The following EPHA6 variants were observed in gnomAD, a reference collection of about 807,000 sequenced individuals.
EPHA6 encodes the protein ephrin type-A receptor 6.
Under a neutral mutation model 112.0 loss-of-function variants are expected in EPHA6, and 50 were observed. The observed-to-expected ratio is 0.45, with a 90% CI of 0.36 to 0.56. EPHA6 has a LOEUF of 0.56. Among genes scored for constraint, EPHA6 ranks in the 20% least tolerant of loss-of-function variants. The probability of loss-of-function intolerance (pLI) is 0.00; values close to 1 mark genes in which losing one functional copy is unlikely to be tolerated. For synonymous variants in EPHA6, 529 were observed against 490.7 expected, an observed-to-expected ratio of 1.08 and a Z score of -1.03; for missense variants, 1,280 against 1,417.4, an observed-to-expected ratio of 0.90 and a Z score of 1.56.
At chr3:96,989,515 A>G (rs2043141175) in intron 3 of EPHA6, among the ~76,000 whole-genome samples, 1 of 152,170 alleles carries the variant, frequency 6.6e-6, no homozygotes, top group Non-Finnish European at 1.5e-5. Flanking sequence ...ATCTAAAGAT[A>G]TTTTACATTG....
chr3:96,871,011 G>A (rs1386780532), intron 2 of EPHA6, among the ~76,000 whole-genome samples: 1 of 151,902 alleles, frequency 6.6e-6, no homozygotes, highest in Non-Finnish European at 1.5e-5. Context: ...TGTAAATTTT[G>A]GTGATAATTT....
At chr3:97,630,781 C>T (rs552169963) in intron 13 of EPHA6, among the ~76,000 whole-genome samples, 12 of 152,050 alleles carry the variant, frequency 7.9e-5, no homozygotes, top group East Asian at 1.9e-4. Context: ...TGACTTGCCC[C>T]GGGCAAAAAT....
intron 5 of EPHA6, among the ~76,000 whole-genome samples, chr3:97,308,102 A>G (rs1332715260): frequency 6.6e-6 from 1 of 151,598 alleles, no homozygotes; most frequent in Admixed American, 6.6e-5. Flanking sequence ...AAAACTCATC[A>G]GTCGTCACCT....
At chr3:97,336,174 T>G (rs28367354) in intron 5 of EPHA6, among the ~76,000 whole-genome samples, 3,343 of 152,194 alleles carry the variant, frequency 0.022, 139 homozygotes, top group African/African-American at 0.076. Flanking sequence ...GGCAGTCTAG[T>G]CCCCAGGTAG....
At chr3:97,656,239 G>A (rs1406825077) in intron 14 of EPHA6, among the ~76,000 whole-genome samples, 1 of 151,904 alleles carries the variant, frequency 6.6e-6, no homozygotes, top group African/African-American at 2.4e-5. Context: ...TAATCAAAAA[G>A]TTGGCTGGAG....
chr3:97,543,662 T>C (rs1395675663), intron 11 of EPHA6, among the ~76,000 whole-genome samples: 2 of 152,156 alleles, frequency 1.3e-5, no homozygotes, highest in South Asian at 2.1e-4. Context: ...GGGGATGGCA[T>C]TGAATCTATA....
intron 6 of EPHA6, among the ~76,000 whole-genome samples, chr3:97,423,073 C>T (rs2088808940): frequency 6.6e-6 from 1 of 152,148 alleles, no homozygotes; most frequent in Non-Finnish European, 1.5e-5. Context: ...AGCTGGAAGC[C>T]TTTCCCTTGA....
At chr3:97,397,556 T>C (rs1450774982) in intron 5 of EPHA6, among the ~76,000 whole-genome samples, 2 of 151,684 alleles carry the variant, frequency 1.3e-5, no homozygotes, top group Non-Finnish European at 3.0e-5. Flanking sequence ...ATTGTTTCTC[T>C]CATCCTCTCC....
At chr3:97,401,838 A>G (rs1019893977) in intron 5 of EPHA6, among the ~76,000 whole-genome samples, 49 of 151,670 alleles carry the variant, frequency 3.2e-4, no homozygotes, top group African/African-American at 1.2e-3. Flanking sequence ...GCCTTTGTAT[A>G]TCTCTTAGGT....
chr3:97,648,350 T>A, intron 14 of EPHA6: 1 of 1,603,528 alleles, frequency 6.2e-7, no homozygotes, highest in Non-Finnish European at 8.5e-7. Flanking sequence ...AAAGCCAAAT[T>A]TTCTGTCGGT....
intron 15 of EPHA6, among the ~76,000 whole-genome samples, chr3:97,731,010 T>A (rs554925080): frequency 1.3e-5 from 2 of 152,194 alleles, no homozygotes; most frequent in South Asian, 4.1e-4. Context: ...TGATCACAGT[T>A]CCACTTCAGT....
chr3:97,434,302 GT>G (rs2089690151), intron 6 of EPHA6, among the ~76,000 whole-genome samples: 2 of 152,042 alleles, frequency 1.3e-5, no homozygotes, highest in Non-Finnish European at 1.5e-5. Context: ...AATTCATATA[GT>G]AGCTTTGAGA....
At chr3:97,576,153 T>G (rs1299202193) in intron 11 of EPHA6, among the ~76,000 whole-genome samples, 3 of 152,154 alleles carry the variant, frequency 2.0e-5, no homozygotes, top group Admixed American at 2.0e-4. Context: ...TATCTCAAAA[T>G]TTTTCTGTGA....
intron 14 of EPHA6, among the ~76,000 whole-genome samples, chr3:97,640,009 A>G (rs73849814): frequency 0.026 from 3,976 of 152,200 alleles, 154 homozygotes; most frequent in African/African-American, 0.09. Context: ...CTTTATAATG[A>G]ACATGGACAT....
chr3:96,919,475 A>T lies in EPHA6; in HGVS notation c.450+52586A>T, dbSNP rs377081718. Among the ~76,000 whole-genome samples, 28 of 151,952 alleles carry T rather than the reference A, an allele frequency of 1.8e-4. 2 individuals are homozygous for T. Among genetic ancestry groups the T allele is most frequent in the African/African-American group, 6.3e-4 (26 of 41,566 alleles). The stretch of plus-strand genomic sequence containing the variant: ...AGTACATTAATATTATCTACAAAGG[A>T]GTGTTGTCTCTTGCTTAAAAATGAC... On this transcript the variant is annotated intron_variant, in intron 2 of 17. Coordinates refer to ENST00000389672, the MANE Select transcript of EPHA6 (RefSeq NM_001080448.3).
intron 5 of EPHA6, among the ~76,000 whole-genome samples, chr3:97,379,698 G>C (rs972109532): frequency 1.5e-5 from 2 of 132,118 alleles, no homozygotes; most frequent in Middle Eastern, 4.5e-3. Context: ...GCAGTGAGCT[G>C]AGATCGTGCC....
chr3:97,430,863 C>T (rs1401388840), intron 6 of EPHA6, among the ~76,000 whole-genome samples: 1 of 152,082 alleles, frequency 6.6e-6, no homozygotes, highest in Non-Finnish European at 1.5e-5. Context: ...AATAGCTTTA[C>T]AGTCTCTCAA....
At chr3:97,656,663 A>G (rs1322610451) in intron 14 of EPHA6, among the ~76,000 whole-genome samples, 1 of 151,914 alleles carries the variant, frequency 6.6e-6, no homozygotes, top group Admixed American at 6.6e-5. Context: ...TCAGGCTTAT[A>G]TAGGTCAAAC....
chr3:96,930,483 C>G (rs2040255834), intron 2 of EPHA6, among the ~76,000 whole-genome samples: 1 of 152,166 alleles, frequency 6.6e-6, no homozygotes, highest in Non-Finnish European at 1.5e-5. Flanking sequence ...TGTGGGTCCC[C>G]TCTATACCAA....
Sources: allele counts gnomAD v4.1 joint callset (sites outside exome capture counted in the v4.1 genomes callset), GRCh38; gene constraint gnomAD v4.1.1; transcripts MANE v1.5; gene names NCBI Gene and HGNC (gene_info 2026-07-23, HGNC 2026-07-21).